SDK2: variants seen among roughly 807,000 people sequenced by gnomAD.
SDK2 encodes the protein sidekick cell adhesion molecule 2.
In SDK2, 105 loss-of-function variants were observed where a neutral mutation model predicts 253.9. The observed-to-expected ratio is 0.41, with a 90% confidence interval of 0.35 to 0.49. The LOEUF (loss-of-function observed/expected upper bound fraction) is 0.49, where lower values mean the gene tolerates loss of function less well. SDK2 is among the 20% of genes least tolerant of loss of function. The pLI is 0.06. For missense variants in SDK2, 2,608 were observed against 3,003.0 expected (o/e 0.87, Z 3.07); for synonymous variants, 1,249 against 1,234.9 (o/e 1.01, Z -0.24).
chr17:73,475,606 A>G (rs1178584215), intron 2 of SDK2, among the ~76,000 whole-genome samples: 1 of 152,272 alleles, frequency 6.6e-6, no homozygotes, highest in African/African-American at 2.4e-5. Flanking sequence ...TAAATGATGC[A>G]GCAGCCACAG....
rs763955776 is a variant in SDK2, at chr17:73,447,681, C to T, written c.547G>A (p.Val183Met). The change falls in exon 5 of 45, where the codon GTG (valine) becomes ATG (methionine). Residue 183 changes from valine to methionine, a missense_variant. Physicochemically the swap from Val to Met is conservative, Grantham distance 21 (BLOSUM62 1). Transcript: ENST00000392650. This position sits in a 1 kb window ranked among gnomAD's most constrained non-coding sequence, Gnocchi z 4.0. ...CCGTTTTTGTCGTTAACAGCCTGCA[C>T]ATAGTAGCGACCTGCGTCAGGGGCC... ...TVAPDAGRYYVQAVNDKNGDN... is the reference protein window; with the variant it reads ...TVAPDAGRYYMQAVNDKNGDN... 1 of 1,551,804 alleles carries T rather than the reference C, an allele frequency of 6.4e-7. No individual in the cohort carries two copies. Among genetic ancestry groups the T allele is most frequent in the South Asian group, 1.2e-5 (1 of 84,064 alleles).
chr17:73,379,126 G>A lies in SDK2; in HGVS notation c.4980+51C>T, dbSNP rs1244227603. The A allele has an allele frequency of 4.5e-5, 62 of 1,390,208 alleles. 1 individual carries two copies. The East Asian group carries it at 1.4e-3, about 32-fold the overall frequency. The allele number at this position is 1,390,208 out of a possible 1,614,324, so 86.1% of individuals were successfully genotyped here. A position where few individuals can be genotyped will look rare whatever the true frequency, so the allele number is the denominator to read the frequency against. On this transcript the variant is annotated intron_variant, in intron 36 of 44. Transcript: ENST00000392650. The surrounding 1 kb of genome is among the most constrained non-coding windows in gnomAD (Gnocchi z 4.5). ...ACATATCACTCACTCCCCAGCCTCCGACCTGGCTTCTCATCCGTGCACCCC... is the reference window on the plus strand; with the variant it reads ...ACATATCACTCACTCCCCAGCCTCCAACCTGGCTTCTCATCCGTGCACCCC...
chr17:73,539,708 A>G (rs377637359), intron 1 of SDK2, among the ~76,000 whole-genome samples: 96 of 152,214 alleles, frequency 6.3e-4, no homozygotes, highest in African/African-American at 2.0e-3. Context: ...CTTCTTTGAA[A>G]ATATAGTCTT....
chr17:73,602,504 G>GA (rs1297032836), intron 1 of SDK2, among the ~76,000 whole-genome samples: 2 of 144,516 alleles, frequency 1.4e-5, no homozygotes, highest in Admixed American at 1.4e-4. Flanking sequence ...ATGGATGGAA[G>GA]AAAAAAAAAG....
intron 36 of SDK2, among the ~76,000 whole-genome samples, chr17:73,372,106 T>C (rs965667565): frequency 4.0e-5 from 6 of 151,324 alleles, no homozygotes; most frequent in African/African-American, 1.2e-4. Flanking sequence ...GGGTGAGGAG[T>C]GGGTCGGGGC....
intron 18 of SDK2, among the ~76,000 whole-genome samples, chr17:73,413,526 T>C (rs1447878391): frequency 6.6e-6 from 1 of 152,062 alleles, no homozygotes; most frequent in Non-Finnish European, 1.5e-5. Flanking sequence ...GCCAAAAAGT[T>C]TGGGGACTGT....
In SDK2 at chr17:73,465,166, A is replaced by G. The variant is rs2063588551; in HGVS notation, c.331+6946T>C. 6.6e-6 allele frequency among the ~76,000 whole-genome samples: 1 copy of G among 152,198 alleles called. No homozygotes were observed. Among genetic ancestry groups the G allele is most frequent in the South Asian group, 2.1e-4 (1 of 4,834 alleles). On this transcript the variant is annotated intron_variant, in intron 3 of 44. Transcript: ENST00000392650. This position sits in a 1 kb window ranked among gnomAD's most constrained non-coding sequence, Gnocchi z 4.2. ...GAAGAGAAACAGGCCTATGGGTGGC[A>G]TTTTAGGATTACTCCTAACCCACAT...
chr17:73,441,057 G>A, intron 5 of SDK2, 134 bp from the exon 6 acceptor site: 1 of 645,830 alleles, frequency 1.5e-6, no homozygotes. Context: ...CAGCCCCAGA[G>A]CAGACCTCCA....
At position 73,409,466 on chromosome 17, in the gene SDK2, T is replaced by TAAAA. The variant is rs35846421; in HGVS notation, c.2484+5174_2484+5177dup. On this transcript the variant is annotated intron_variant, in intron 18 of 44. Transcript: ENST00000392650. ...TGGGTGACCGAGCAAGACTCTGTCT[T>TAAAA]AAAAAAAAAAAATTAGCTGAGCATG... Among the ~76,000 whole-genome samples, 10 of 148,400 alleles carry TAAAA rather than the reference T, an allele frequency of 6.7e-5. No homozygotes were observed. The South Asian group carries it at 1.9e-3, about 29-fold the overall frequency.
Position 73,552,423 on chromosome 17 carries a change from C to T in SDK2, c.65-44826G>A, listed in dbSNP as rs535038956. ...ATGTTAAGGCAGCTTGGCGAGGACG[C>T]ATGACATCTGTGTCACGCATTGAAA... On this transcript the variant is annotated intron_variant, in intron 1 of 44. Transcript: ENST00000392650. Among the ~76,000 whole-genome samples, 24 of 152,304 alleles carry T rather than the reference C, an allele frequency of 1.6e-4. No individual in the cohort carries two copies. The East Asian group carries it at 4.2e-3, about 27-fold the overall frequency.
Position 73,350,782 on chromosome 17 carries a change from C to T in SDK2, c.5767G>A (p.Ala1923Thr), listed in dbSNP as rs370520611. ...CACCACTCCTCATAGAAGGGGTTGGCTTTCTGGGCTGGAGCACAGATAGTC... is the reference window on the plus strand; with the variant it reads ...CACCACTCCTCATAGAAGGGGTTGGTTTTCTGGGCTGGAGCACAGATAGTC... ...SPSQSVPAQK[A>T]NPFYEEWWFL... Residue 1923 changes from alanine to threonine, a missense_variant, in exon 42 of 45, where the codon GCC (alanine) becomes ACC (threonine). Ala to Thr is a moderately conservative substitution (Grantham distance 58, BLOSUM62 0). Transcript: ENST00000392650. 9 of 1,609,470 alleles carry T rather than the reference C, an allele frequency of 5.6e-6. No homozygotes were observed. In the African/African-American group the frequency reaches 9.4e-5, roughly 17 times the overall value.
intron 1 of SDK2, among the ~76,000 whole-genome samples, chr17:73,588,101 G>A (rs1410607835): frequency 6.6e-6 from 1 of 151,932 alleles, no homozygotes; most frequent in African/African-American, 2.4e-5. Flanking sequence ...GGCCTGGCGC[G>A]GTGGCTCACG....
chr17:73,542,952 T>A (rs1343170768), intron 1 of SDK2, among the ~76,000 whole-genome samples: 2 of 152,038 alleles, frequency 1.3e-5, no homozygotes, highest in Non-Finnish European at 2.9e-5. Flanking sequence ...GAGACTCGGA[T>A]CTGGGGAGAT....
intron 1 of SDK2, among the ~76,000 whole-genome samples, chr17:73,549,119 C>A (rs1260472756): frequency 6.6e-6 from 1 of 152,220 alleles, no homozygotes; most frequent in Non-Finnish European, 1.5e-5. Flanking sequence ...GATAAAGGAA[C>A]AATTTCCCTG....
At position 73,509,902 on chromosome 17, in the gene SDK2, CAAAA is replaced by C. The variant is rs71157018; in HGVS notation, c.65-2309_65-2306del. ...GCAACAGAGCAAGACTCCATCTCTACAAAAAAAAAAAAAAAAAAAAGAAGGAAAG... is the reference window on the plus strand; with the variant it reads ...GCAACAGAGCAAGACTCCATCTCTACAAAAAAAAAAAAAAAAGAAGGAAAG... On this transcript the variant is annotated intron_variant, in intron 1 of 44. Coordinates refer to ENST00000392650, the MANE Select transcript of SDK2 (RefSeq NM_001144952.2). Among the ~76,000 whole-genome samples the C allele has an allele frequency of 4.7e-4, 12 of 25,394 alleles. 1 individual carries two copies. Among genetic ancestry groups the C allele is most frequent in the Non-Finnish European group, 5.6e-4 (8 of 14,290 alleles). 16.7% of individuals were successfully genotyped at this position (25,394 alleles called of 152,430 possible). A position where few individuals can be genotyped will look rare whatever the true frequency, so the allele number is the denominator to read the frequency against.
At chr17:73,457,268 TTCCTTCCTTCCTTCCTTCCC>T in intron 3 of SDK2, among the ~76,000 whole-genome samples, 1 of 51,554 alleles carries the variant, frequency 1.9e-5, no homozygotes, top group East Asian at 2.2e-3. Context: ...CCTTCCTTCC[TTCCTTCCTTCCTTCCTTCCC>T]CCCTCCCTCC....
intron 1 of SDK2, among the ~76,000 whole-genome samples, chr17:73,583,361 C>T (rs1255550877): frequency 3.3e-5 from 5 of 152,188 alleles, no homozygotes; most frequent in Non-Finnish European, 7.3e-5. Context: ...CTCCCATCTT[C>T]TCTCCCACTC....
chr17:73,399,125 T>A, intron 22 of SDK2, 43 bp downstream of exon 22: 1 of 1,606,514 alleles, frequency 6.2e-7, no homozygotes, highest in Non-Finnish European at 8.5e-7. Flanking sequence ...GGGCACGGGG[T>A]GCCCTGGCGG....
chr17:73,448,808 A>C (rs908113136), intron 4 of SDK2, among the ~76,000 whole-genome samples: 4 of 151,900 alleles, frequency 2.6e-5, no homozygotes, highest in South Asian at 4.2e-4. Context: ...TTACAGGTGC[A>C]TGCCACCACA....
Sources: allele counts gnomAD v4.1 joint callset (sites outside exome capture counted in the v4.1 genomes callset), GRCh38; gene constraint gnomAD v4.1.1; non-coding constraint Gnocchi (gnomAD v3.1); transcripts MANE v1.5; gene names NCBI Gene and HGNC (gene_info 2026-07-23, HGNC 2026-07-21).